KCND2: variants seen among roughly 807,000 people sequenced by gnomAD.
KCND2 encodes the protein potassium voltage-gated channel subfamily D member 2.
A neutral mutation model predicts 54.4 loss-of-function variants in KCND2; 16 were observed. The ratio of observed to expected loss-of-function variants is 0.29; its 90% CI spans 0.20 to 0.45. The LOEUF (loss-of-function observed/expected upper bound fraction) is 0.45. Ranked by LOEUF, KCND2 falls within the 20% of genes least tolerant of loss-of-function variation. The probability of loss-of-function intolerance (pLI) is 1.00; values close to 1 mark genes in which losing one functional copy is unlikely to be tolerated. For synonymous variants in KCND2, 317 were observed against 310.7 expected, an observed-to-expected ratio of 1.02 and a Z score of -0.21; for missense variants, 486 against 824.2, an observed-to-expected ratio of 0.59 and a Z score of 5.02.
At chr7:120,343,255 G>T (rs1800267835) in intron 1 of KCND2, among the ~76,000 whole-genome samples, 1 of 152,104 alleles carries the variant, frequency 6.6e-6, no homozygotes, top group Non-Finnish European at 1.5e-5. Context: ...GGAGAAGAAT[G>T]CCTGCTTATG....
intron 1 of KCND2, among the ~76,000 whole-genome samples, chr7:120,665,405 A>G (rs964489349): frequency 1.3e-5 from 2 of 152,114 alleles, no homozygotes; most frequent in African/African-American, 4.8e-5. Flanking sequence ...GTACAAATTT[A>G]CTTGATATAT....
intron 1 of KCND2, among the ~76,000 whole-genome samples, chr7:120,540,539 A>G (rs1791966830): frequency 6.6e-6 from 1 of 152,108 alleles, no homozygotes; most frequent in Admixed American, 6.6e-5. Context: ...GTGACATTAC[A>G]TTTTTCTTAA....
intron 1 of KCND2, among the ~76,000 whole-genome samples, chr7:120,606,006 C>G (rs1792877121): frequency 6.6e-6 from 1 of 152,094 alleles, no homozygotes; most frequent in South Asian, 2.1e-4. Flanking sequence ...GTGAATAAGT[C>G]TCATGAAATC....
chr7:120,592,378 C>T (rs13227896), intron 1 of KCND2, among the ~76,000 whole-genome samples: 3 of 151,902 alleles, frequency 2.0e-5, no homozygotes, highest in African/African-American at 7.2e-5. Context: ...ATGGTGACAC[C>T]CCATCTCTAA....
chr7:120,477,797 G>A (rs1250893678), intron 1 of KCND2, among the ~76,000 whole-genome samples: 1 of 152,148 alleles, frequency 6.6e-6, no homozygotes, highest in East Asian at 1.9e-4. Context: ...CAGCTAAATA[G>A]TTCAGCAACA....
intron 1 of KCND2, among the ~76,000 whole-genome samples, chr7:120,360,086 A>G (rs1461279239): frequency 1.3e-5 from 2 of 152,114 alleles, no homozygotes; most frequent in Non-Finnish European, 2.9e-5. Context: ...ATTATTTAAT[A>G]TAGCTTTTTC....
intron 1 of KCND2, among the ~76,000 whole-genome samples, chr7:120,626,847 A>G (rs1326700342): frequency 6.6e-6 from 1 of 152,220 alleles, no homozygotes; most frequent in Non-Finnish European, 1.5e-5. Context: ...TGGCAAATAT[A>G]CTTTGAAAAG....
chr7:120,391,834 A>C (rs1249623212), intron 1 of KCND2, among the ~76,000 whole-genome samples: 2 of 152,042 alleles, frequency 1.3e-5, no homozygotes, highest in East Asian at 1.9e-4. Flanking sequence ...TCAGATGGTT[A>C]GATTGTGAAA....
rs2116200777 is a variant in KCND2, at chr7:120,749,291, A to G, written c.*1433A>G. The stretch of plus-strand genomic sequence containing the variant: ...AAGGTTCCTGTGTATTGCAAGGTAC[A>G]ATTTTCTCCAATAAATCAGGAGAAC... On this transcript the variant is annotated 3_prime_UTR_variant, in exon 6 of 6. Transcript: ENST00000331113. 6.6e-6 allele frequency: 1 copy of G among 152,170 alleles called. No homozygotes were observed. Among genetic ancestry groups the G allele is most frequent in the Non-Finnish European group, 1.5e-5 (1 of 67,836 alleles). The allele number at this position is 152,170 out of a possible 1,614,324, so 9.4% of individuals were successfully genotyped here.
intron 1 of KCND2, among the ~76,000 whole-genome samples, chr7:120,528,554 A>C (rs1791805007): frequency 6.6e-6 from 1 of 151,976 alleles, no homozygotes; most frequent in Non-Finnish European, 1.5e-5. Flanking sequence ...TTTTTTCAGG[A>C]CTCTGTTCTT....
intron 1 of KCND2, among the ~76,000 whole-genome samples, chr7:120,458,911 T>A (rs73435836): frequency 6.6e-6 from 1 of 150,998 alleles, no homozygotes. Flanking sequence ...TAGGAAGTAA[T>A]AATTATTATA....
intron 1 of KCND2, among the ~76,000 whole-genome samples, chr7:120,449,746 T>A (rs1316876853): frequency 6.6e-6 from 1 of 152,232 alleles, no homozygotes; most frequent in Non-Finnish European, 1.5e-5. Context: ...CCACTCACTC[T>A]ATAATTTACT....
chr7:120,604,180 C>G (rs968856024), intron 1 of KCND2, among the ~76,000 whole-genome samples: 4 of 152,038 alleles, frequency 2.6e-5, no homozygotes, highest in Non-Finnish European at 5.9e-5. Flanking sequence ...CAAGGAAGTC[C>G]TACCTTTTTG....
intron 1 of KCND2, among the ~76,000 whole-genome samples, chr7:120,553,890 GTTCC>G (rs1275609497): frequency 6.6e-6 from 1 of 152,196 alleles, no homozygotes; most frequent in African/African-American, 2.4e-5. Context: ...CATTGCTAAT[GTTCC>G]TTCTCTCCCT....
chr7:120,477,815 G>C (rs1802552519), intron 1 of KCND2, among the ~76,000 whole-genome samples: 1 of 152,082 alleles, frequency 6.6e-6, no homozygotes, highest in Non-Finnish European at 1.5e-5. Context: ...ACACATGTTG[G>C]ATATTTGTAT....
rs540248568 is a variant in KCND2, at chr7:120,569,375, G to A, written c.1116-163528G>A. ...AATTATCTAATTATTTCCTGATTGC[G>A]TCTCCTTACTTACATAAAGTAAAAC... is the stretch of plus-strand genomic sequence containing the variant. On this transcript the variant is annotated intron_variant, in intron 1 of 5. Transcript: ENST00000331113. Among the ~76,000 whole-genome samples, 28 of 152,080 alleles carry A rather than the reference G, an allele frequency of 1.8e-4. 1 individual carries two copies. In the South Asian group the frequency reaches 2.5e-3, roughly 14 times the overall value.
intron 1 of KCND2, among the ~76,000 whole-genome samples, chr7:120,653,253 C>T (rs1340506750): frequency 4.6e-5 from 7 of 150,986 alleles, no homozygotes; most frequent in African/African-American, 1.7e-4. Flanking sequence ...TCTATGTTAC[C>T]CAGCCTGGTC....
chr7:120,613,930 A>G (rs1161223032), intron 1 of KCND2, among the ~76,000 whole-genome samples: 1 of 152,052 alleles, frequency 6.6e-6, no homozygotes, highest in East Asian at 1.9e-4. Flanking sequence ...TTTCGCTATT[A>G]TTGTTGTTGA....
At chr7:120,657,884 TTA>T (rs556738592) in intron 1 of KCND2, among the ~76,000 whole-genome samples, 156 of 152,236 alleles carry the variant, frequency 1.0e-3, no homozygotes, top group African/African-American at 3.2e-3. Context: ...TACTCTTAAT[TTA>T]TGTCATTTAT....
Sources: allele counts gnomAD v4.1 joint callset (sites outside exome capture counted in the v4.1 genomes callset), GRCh38; gene constraint gnomAD v4.1.1; transcripts MANE v1.5; gene names NCBI Gene and HGNC (gene_info 2026-07-23, HGNC 2026-07-21).